The following LRRC36 variants were observed in gnomAD, a reference collection of about 807,000 sequenced individuals.
The protein encoded by LRRC36 is leucine rich repeat containing 36.
A neutral mutation model predicts 81.1 loss-of-function variants in LRRC36; 62 were observed. The ratio of observed to expected loss-of-function variants is 0.76; its 90% CI spans 0.62 to 0.94. The LOEUF (loss-of-function observed/expected upper bound fraction) is 0.94. Among genes scored for constraint, LRRC36 ranks in the 40% least tolerant of loss-of-function variants. The pLI is 0.00. For synonymous variants in LRRC36, 334 were observed against 348.6 expected (o/e 0.96, Z 0.47); for missense variants, 761 against 881.7 (o/e 0.86, Z 1.73).
chr16:67,332,139 C>T (rs1485238345), intron 1 of LRRC36, among the ~76,000 whole-genome samples: 1 of 152,140 alleles, frequency 6.6e-6, no homozygotes, highest in East Asian at 1.9e-4. Flanking sequence ...TTTCAAATAG[C>T]AAATTTTTGC....
chr16:67,331,069 A>AAG (rs71145966), intron 1 of LRRC36, among the ~76,000 whole-genome samples: 5,013 of 118,524 alleles, frequency 0.042, 128 homozygotes, highest in African/African-American at 0.058. Flanking sequence ...GTGAGAGAGA[A>AAG]AGAGAGAGAG....
Position 67,384,883 on chromosome 16 carries a change from A to G in LRRC36, c.2059A>G (p.Thr687Ala), listed in dbSNP as rs200382192. 1.2e-6 allele frequency: 2 copies of G among 1,614,082 alleles called. No individual in the cohort carries two copies. Among genetic ancestry groups the G allele is most frequent in the African/African-American group, 2.7e-5 (2 of 75,038 alleles). The part of the protein sequence containing the change: ...LHESQRSLVV[T>A]NEYLLQQLNK... ...CTTGGGCCTCAGATCCCTGGTGGTA[A>G]CTAATGAGTATCTGCTGCAGCAGCT... The change falls in exon 14 of 14, where the codon ACT becomes GCT. Residue 687 changes from threonine to alanine, a missense_variant. Transcript: ENST00000329956.
chr16:67,367,514 T>G (rs771177066), intron 8 of LRRC36, 57 bp downstream of exon 8: 25 of 1,480,420 alleles, frequency 1.7e-5, no homozygotes, highest in Non-Finnish European at 2.3e-5. Context: ...ATAGAAGATA[T>G]AAGTGAAAAT....
intron 9 of LRRC36, among the ~76,000 whole-genome samples, chr16:67,372,363 A>G (rs1280023498): frequency 6.6e-6 from 1 of 152,060 alleles, no homozygotes; most frequent in African/African-American, 2.4e-5. Context: ...TCTCCAAAAA[A>G]AAAAAAATAA....
chr16:67,383,759 A>C (rs2040195987), intron 13 of LRRC36, among the ~76,000 whole-genome samples: 1 of 152,236 alleles, frequency 6.6e-6, no homozygotes, highest in South Asian at 2.1e-4. Context: ...ACACAGTCCC[A>C]ATGTCAACTC....
At chr16:67,384,838 T>C in intron 13 of LRRC36, 32 bp from the exon 14 acceptor site, 1 of 1,578,650 alleles carries the variant, frequency 6.3e-7, no homozygotes, top group Non-Finnish European at 8.7e-7. Flanking sequence ...GCTTTTATGA[T>C]TTCATGACTG....
chr16:67,368,893 G>C (rs2039518676), intron 8 of LRRC36, among the ~76,000 whole-genome samples: 1 of 152,138 alleles, frequency 6.6e-6, no homozygotes, highest in Admixed American at 6.6e-5. Context: ...GGGAGAAAGA[G>C]GGTCAATGGT....
chr16:67,328,116 G>A (rs1273765901), intron 1 of LRRC36, among the ~76,000 whole-genome samples: 1 of 151,972 alleles, frequency 6.6e-6, no homozygotes. Context: ...AGAGCATGTC[G>A]GTAGTCTAAT....
rs764672675 is a variant in LRRC36, at chr16:67,376,871, T to C, written c.1805T>C (p.Met602Thr). ...KEAAQLVPNDMESLKQKLVRV... is the reference protein window; with the variant it reads ...KEAAQLVPNDTESLKQKLVRV... ...GCTGCGCAGCTGGTCCCTAATGACA[T>C]GGTATGCCCCTCTCATCTCCCTTTA... The change falls in exon 11 of 14, where the codon ATG becomes ACG. Residue 602 changes from methionine (M) to threonine (T), a missense_variant and splice_region_variant. This residue lies in a region of LRRC36 where 359 missense variants were observed against 388.4 expected (regional missense o/e 0.92). Transcript: ENST00000329956. 12 of 1,608,566 alleles carry C rather than the reference T, an allele frequency of 7.5e-6. No homozygotes were observed. In the Admixed American group the frequency reaches 1.2e-4, roughly 16 times the overall value.
chr16:67,382,409 T>G (rs1448831374), intron 13 of LRRC36, among the ~76,000 whole-genome samples, 162 bp downstream of exon 13: 2 of 152,236 alleles, frequency 1.3e-5, no homozygotes, highest in Non-Finnish European at 2.9e-5. Context: ...TTATAAAAAT[T>G]ACTGCTTCCC....
intron 8 of LRRC36, among the ~76,000 whole-genome samples, chr16:67,367,673 C>T (rs1447805880): frequency 6.6e-6 from 1 of 152,184 alleles, no homozygotes; most frequent in Non-Finnish European, 1.5e-5. Flanking sequence ...GTGAGCATTG[C>T]AGCTACTTGC....
At chr16:67,329,558 T>C (rs2037372607) in intron 1 of LRRC36, among the ~76,000 whole-genome samples, 1 of 151,894 alleles carries the variant, frequency 6.6e-6, no homozygotes, top group Admixed American at 6.6e-5. Flanking sequence ...TGAACAGTGA[T>C]TTCTTGATAT....
Position 67,376,729 on chromosome 16 carries a change from C to T in LRRC36, c.1663C>T (p.Pro555Ser). The change falls in exon 11 of 14, where the codon CCT becomes TCT. Residue 555 changes from proline to serine, a missense_variant and splice_region_variant. Physicochemically the swap from Pro to Ser is moderately conservative, Grantham distance 74 (BLOSUM62 -1). Around this residue, in one of 3 missense-constraint regions of LRRC36, gnomAD observed 359 missense variants for 388.4 expected, o/e 0.92. Transcript: ENST00000329956. The stretch of plus-strand genomic sequence containing the variant: ...TGCCCATCCTGAATTTTTGGCAGGT[C>T]CTGCCCGAGATTTGCTTCTGTCTTT... ...SLLLNKKFLG[P>S]ARDLLLSLVV... is the part of the protein sequence containing the mutation. The T allele has an allele frequency of 6.2e-7, 1 of 1,610,564 alleles. No individual in the cohort carries two copies. The highest frequency in any genetic ancestry group is 8.5e-7 in the Non-Finnish European group (1 of 1,177,208).
intron 5 of LRRC36, among the ~76,000 whole-genome samples, chr16:67,357,816 G>T (rs905512799): frequency 1.3e-5 from 2 of 152,240 alleles, no homozygotes; most frequent in African/African-American, 4.8e-5. Flanking sequence ...GTACAAACAT[G>T]TGAAGTGGAG....
At chr16:67,372,306 G>A (rs1224792829) in intron 9 of LRRC36, among the ~76,000 whole-genome samples, 12 of 151,410 alleles carry the variant, frequency 7.9e-5, no homozygotes, top group Admixed American at 2.0e-4. Flanking sequence ...GTGGTGAGCC[G>A]AGATCGCGCC....
intron 1 of LRRC36, 167 bp downstream of exon 1, chr16:67,327,099 A>G: frequency 3.6e-6 from 2 of 560,392 alleles, no homozygotes; most frequent in Non-Finnish European, 2.9e-6. Context: ...GGTTAGAGGG[A>G]GGTGGAGGTG....
At chr16:67,338,268 A>G (rs983339869) in intron 1 of LRRC36, among the ~76,000 whole-genome samples, 3 of 152,142 alleles carry the variant, frequency 2.0e-5, no homozygotes, top group Admixed American at 1.3e-4. Context: ...ACTATTTCCT[A>G]AAATAAAAAA....
intron 13 of LRRC36, among the ~76,000 whole-genome samples, chr16:67,384,550 G>A (rs960852200): frequency 6.6e-6 from 1 of 152,296 alleles, no homozygotes; most frequent in South Asian, 2.1e-4. Flanking sequence ...GTAGAAATTG[G>A]AGGCCTGATC....
chr16:67,340,343 C>T (rs1390716857), intron 1 of LRRC36, among the ~76,000 whole-genome samples: 1 of 151,912 alleles, frequency 6.6e-6, no homozygotes, highest in Non-Finnish European at 1.5e-5. Context: ...TTGAGATTCT[C>T]CCCTTTTCAG....
Sources: gnomAD v4.1 joint callset for allele counts (sites outside exome capture counted in the v4.1 genomes callset) on GRCh38, gnomAD v4.1.1 for gene constraint, gnomAD v4.1.1 regional missense constraint, MANE v1.5 for transcripts, NCBI Gene and HGNC (gene_info 2026-07-23, HGNC 2026-07-21) for gene names.